The following TMEM38B variants were observed in gnomAD, a reference collection of about 807,000 sequenced individuals.
TMEM38B encodes trimeric intracellular cation channel type B.
In TMEM38B, 24 loss-of-function variants were observed where a neutral mutation model predicts 28.7. The observed-to-expected ratio is 0.84, with a 90% CI of 0.61 to 1.18. The LOEUF is 1.18. Among genes scored for constraint, TMEM38B ranks in the 50% most tolerant of loss-of-function variants. TMEM38B has a pLI of 0.00. For missense variants in TMEM38B, 380 were observed against 350.9 expected (o/e 1.08, Z -0.66); for synonymous variants, 131 against 127.7 (o/e 1.03, Z -0.17).
intron 2 of TMEM38B, chr9:105,710,369 T>G (rs1257085733): frequency 3.9e-6 from 3 of 773,794 alleles, no homozygotes; most frequent in Non-Finnish European, 6.7e-6. Context: ...TCTTCTATAG[T>G]TGTTATGAAA....
intron 5 of TMEM38B, among the ~76,000 whole-genome samples, chr9:105,761,935 C>T (rs1002540435): frequency 6.6e-5 from 10 of 151,948 alleles, no homozygotes; most frequent in Admixed American, 1.3e-4. Flanking sequence ...AAATGCTTGC[C>T]GAGTATAAAT....
chr9:105,724,720 C>T (rs1038654600), intron 4 of TMEM38B, among the ~76,000 whole-genome samples: 1 of 151,714 alleles, frequency 6.6e-6, no homozygotes, highest in Non-Finnish European at 1.5e-5. Flanking sequence ...TGAAAAATAC[C>T]CCTTTAAGTT....
intron 1 of TMEM38B, among the ~76,000 whole-genome samples, chr9:105,698,871 A>AT (rs1292005928): frequency 6.6e-6 from 1 of 151,712 alleles, no homozygotes; most frequent in Admixed American, 6.6e-5. Flanking sequence ...GGTAAATCTT[A>AT]TTTTTTTTCC....
At chr9:105,743,859 A>G (rs574590053) in intron 4 of TMEM38B, among the ~76,000 whole-genome samples, 1 of 152,294 alleles carries the variant, frequency 6.6e-6, no homozygotes, top group South Asian at 2.1e-4. Context: ...ATCATGCTAT[A>G]CAATGTGGAA....
At chr9:105,758,766 C>G in intron 5 of TMEM38B, 1 of 769,318 alleles carries the variant, frequency 1.3e-6, no homozygotes. Flanking sequence ...TCATAGAACT[C>G]CTAAAAAGCA....
Position 105,694,623 on chromosome 9 carries a change from AGCCGCGGCTGCTTCGGTT to A in TMEM38B, c.-30_-13del, listed in dbSNP as rs1216457325. 8.9e-6 allele frequency: 14 copies of A among 1,568,160 alleles called. No homozygotes were observed. The highest frequency in any genetic ancestry group is 1.1e-5 in the Non-Finnish European group (13 of 1,139,528). ...CACCGCGCGAGCGCGGGGAACCAGTAGCCGCGGCTGCTTCGGTTGCCGCGGTCGGTGGTCGTTATGGAT... is the reference window on the plus strand; with the variant it reads ...CACCGCGCGAGCGCGGGGAACCAGTAGCCGCGGTCGGTGGTCGTTATGGAT... On this transcript the variant is annotated 5_prime_UTR_variant, in exon 1 of 6. Transcript: ENST00000374692.
intron 4 of TMEM38B, among the ~76,000 whole-genome samples, chr9:105,729,311 T>C (rs1836643595): frequency 6.6e-6 from 1 of 152,234 alleles, no homozygotes; most frequent in Non-Finnish European, 1.5e-5. Flanking sequence ...CTAGTCAGTT[T>C]TCCCAGCACC....
intron 4 of TMEM38B, among the ~76,000 whole-genome samples, chr9:105,729,864 A>G (rs1260938890): frequency 1.3e-5 from 2 of 152,070 alleles, no homozygotes; most frequent in East Asian, 1.9e-4. Flanking sequence ...GAGTTCACTC[A>G]TGATTTGGCT....
chr9:105,770,471 A>G (rs1052277234), intron 5 of TMEM38B, among the ~76,000 whole-genome samples: 26 of 152,316 alleles, frequency 1.7e-4, no homozygotes, highest in African/African-American at 5.8e-4. Context: ...CATTTTATTC[A>G]TTGATGCATT....
chr9:105,772,975 GATACCATTTTCCCCAAGCAGGTAGGTT>G (rs1019690055), intron 5 of TMEM38B, among the ~76,000 whole-genome samples: 10 of 151,866 alleles, frequency 6.6e-5, no homozygotes, highest in African/African-American at 2.4e-4. Context: ...ATTTATTCTT[GATACCATTTTCCCCAAGCAGGTAGGTT>G]ATGTAGGGGT....
At chr9:105,754,297 C>T (rs983107497) in intron 5 of TMEM38B, among the ~76,000 whole-genome samples, 1 of 152,158 alleles carries the variant, frequency 6.6e-6, no homozygotes, top group Admixed American at 6.5e-5. Context: ...TGATAGATAT[C>T]TACGGAACTC....
intron 5 of TMEM38B, among the ~76,000 whole-genome samples, chr9:105,749,667 A>G: frequency 6.6e-6 from 1 of 152,226 alleles, no homozygotes; most frequent in East Asian, 1.9e-4. Context: ...CAGTATTAGA[A>G]CATTTTTATC....
At chr9:105,731,608 CATCCATGGCCCTA>C (rs1231746349) in intron 4 of TMEM38B, among the ~76,000 whole-genome samples, 1 of 152,154 alleles carries the variant, frequency 6.6e-6, no homozygotes, top group South Asian at 2.1e-4. Flanking sequence ...TTTCTAGCTT[CATCCATGGCCCTA>C]CAAAGGACAT....
chr9:105,774,336 A>T lies in TMEM38B; in HGVS notation c.*256A>T, dbSNP rs1826660437. On this transcript the variant is annotated 3_prime_UTR_variant, in exon 6 of 6. Coordinates refer to ENST00000374692, the MANE Select transcript of TMEM38B (RefSeq NM_018112.3). Reference sequence around the variant, plus strand: ...GTGATTATTTGAATAGTTTTATATTAATAAAAGAAGACAAAATTTTTTAAA... The same window carrying T: ...GTGATTATTTGAATAGTTTTATATTTATAAAAGAAGACAAAATTTTTTAAA... 1 of 264,852 alleles carries T rather than the reference A, an allele frequency of 3.8e-6. No homozygotes were observed. Among genetic ancestry groups the T allele is most frequent in the Non-Finnish European group, 7.0e-6 (1 of 142,498 alleles). The allele number at this position is 264,852 out of a possible 1,614,324, so 16.4% of individuals were successfully genotyped here.
intron 4 of TMEM38B, among the ~76,000 whole-genome samples, chr9:105,737,153 A>T (rs1315084147): frequency 6.6e-6 from 1 of 152,198 alleles, no homozygotes; most frequent in African/African-American, 2.4e-5. Flanking sequence ...CTTGGGCTAC[A>T]CATTTACTCT....
intron 5 of TMEM38B, among the ~76,000 whole-genome samples, chr9:105,772,953 C>T (rs1003617772): frequency 1.3e-5 from 2 of 152,030 alleles, no homozygotes; most frequent in Non-Finnish European, 2.9e-5. Context: ...CACTGTATTG[C>T]AACTAGTAAG....
At chr9:105,723,267 G>T (rs185568704) in intron 4 of TMEM38B, among the ~76,000 whole-genome samples, 15 of 152,174 alleles carry the variant, frequency 9.9e-5, no homozygotes, top group Admixed American at 2.6e-4. Context: ...TGTTGTTCAG[G>T]CTTTAGTGCG....
At chr9:105,771,551 A>C in intron 5 of TMEM38B, among the ~76,000 whole-genome samples, 1 of 152,174 alleles carries the variant, frequency 6.6e-6, no homozygotes, top group Non-Finnish European at 1.5e-5. Context: ...CTGACAGTAG[A>C]CCATTGTTTT....
intron 5 of TMEM38B, among the ~76,000 whole-genome samples, chr9:105,773,265 A>C (rs1258656033): frequency 1.3e-5 from 2 of 152,184 alleles, no homozygotes; most frequent in African/African-American, 4.8e-5. Flanking sequence ...ATATAAAAAT[A>C]TATGTGGAAA....
Sources: allele counts gnomAD v4.1 joint callset (sites outside exome capture counted in the v4.1 genomes callset), GRCh38; gene constraint gnomAD v4.1.1; transcripts MANE v1.5; gene names NCBI Gene and HGNC (gene_info 2026-07-23, HGNC 2026-07-21).